ZNHIT3: variants seen among roughly 807,000 people sequenced by gnomAD.
The protein encoded by ZNHIT3 is zinc finger HIT-type containing 3.
ZNHIT3 carries 27 observed loss-of-function variants against 19.9 expected under a neutral mutation model. That is an observed-to-expected ratio of 1.36 (90% CI 1.00 to 1.87). ZNHIT3 has a LOEUF of 1.87. Among genes scored for constraint, ZNHIT3 ranks in the 40% most tolerant of loss-of-function variants. The pLI, the probability that ZNHIT3 is intolerant of heterozygous loss-of-function variation, is 0.00. For synonymous variants in ZNHIT3, 81 were observed against 65.7 expected (o/e 1.23, Z -1.13); for missense variants, 215 against 185.6 (o/e 1.16, Z -0.92).
downstream of ZNHIT3, chr17:36,498,918 T>A (rs898643285): frequency 1.8e-5 from 11 of 627,402 alleles, no homozygotes; most frequent in East Asian, 2.8e-5. Context: ...GGTGTTACTG[T>A]GCCCACTGCA....
intron 2 of ZNHIT3, chr17:36,491,592 C>G (rs567661809): frequency 2.0e-5 from 3 of 152,436 alleles, no homozygotes; most frequent in African/African-American, 4.8e-5. Context: ...CAGGCAGGAG[C>G]CACTGTGCCC....
chr17:36,495,184 C>T (rs1292118193), intron 4 of ZNHIT3, 39 bp from the exon 5 acceptor site: 4 of 1,534,180 alleles, frequency 2.6e-6, no homozygotes, highest in Non-Finnish European at 3.5e-6. Flanking sequence ...TGTGTTTCCA[C>T]TTGAACTCAG....
chr17:36,494,189 G>A (rs1158501692), intron 4 of ZNHIT3, among the ~76,000 whole-genome samples, 183 bp downstream of exon 4: 5 of 152,144 alleles, frequency 3.3e-5, no homozygotes, highest in African/African-American at 1.2e-4. Context: ...CATTCCTTCT[G>A]CCTGGAATCC....
At chr17:36,499,143 T>G, downstream of ZNHIT3, 1 of 1,607,736 alleles carries the variant, frequency 6.2e-7, no homozygotes, top group Middle Eastern at 1.7e-4. Flanking sequence ...TGTTTCCGAG[T>G]TAACCAGGAA....
intron 2 of ZNHIT3, among the ~76,000 whole-genome samples, chr17:36,487,544 G>C (rs116892077): frequency 0.071 from 10,677 of 150,740 alleles, 629 homozygotes; most frequent in African/African-American, 0.16. Context: ...CTGTGGTCCC[G>C]GCACTTTGAG....
chr17:36,494,985 GCTGGT>G (rs2070855155), intron 4 of ZNHIT3, among the ~76,000 whole-genome samples: 1 of 152,254 alleles, frequency 6.6e-6, no homozygotes, highest in South Asian at 2.1e-4. Flanking sequence ...AGTTTGATAT[GCTGGT>G]CTTACCTTTC....
At chr17:36,487,070 C>A in intron 2 of ZNHIT3, 104 bp downstream of exon 2, 1 of 1,475,866 alleles carries the variant, frequency 6.8e-7, no homozygotes, top group Non-Finnish European at 9.1e-7. Flanking sequence ...CTTCCTTTCC[C>A]GCCTCGGGTC....
chr17:36,490,920 GTCC>G (rs1240763485), intron 2 of ZNHIT3: 1 of 152,052 alleles, frequency 6.6e-6, no homozygotes, highest in African/African-American at 2.4e-5. Flanking sequence ...GGCTCAGGCA[GTCC>G]TCCTACCTCA....
At chr17:36,488,516 G>T (rs973215695) in intron 2 of ZNHIT3, among the ~76,000 whole-genome samples, 3 of 152,076 alleles carry the variant, frequency 2.0e-5, no homozygotes, top group Non-Finnish European at 4.4e-5. Flanking sequence ...CTGCACTCCA[G>T]CCTGGGCAAC....
chr17:36,495,611 G>A lies in ZNHIT3; in HGVS notation c.*207G>A. ...TCCTTAAGGTGGCAAGTCCTTTATG[G>A]AGAGAAAACTTGACATTCAGATGAT... is the stretch of plus-strand genomic sequence containing the variant. On this transcript the variant is annotated 3_prime_UTR_variant, in exon 5 of 5. Coordinates refer to ENST00000617429, the MANE Select transcript of ZNHIT3 (RefSeq NM_004773.4). 1 of 1,288,536 alleles carries A rather than the reference G, an allele frequency of 7.8e-7. No individual in the cohort carries two copies. Among genetic ancestry groups the A allele is most frequent in the Non-Finnish European group, 9.8e-7 (1 of 1,021,194 alleles). 79.8% of individuals were successfully genotyped at this position (1,288,536 alleles called of 1,614,324 possible).
rs542479215 is a variant in ZNHIT3, at chr17:36,493,774, G to A, written c.206-152G>A. The A allele has an allele frequency of 1.7e-4, 105 of 615,774 alleles. No homozygotes were observed. The African/African-American group carries it at 1.8e-3, about 10-fold the overall frequency. The allele number at this position is 615,774 out of a possible 1,614,324, so 38.1% of individuals were successfully genotyped here. ...GAGTGTTAGTATAGTCACAGACTCCGGAGAAGAGGATTTTTGTCTGTACCT... is the reference window on the plus strand; with the variant it reads ...GAGTGTTAGTATAGTCACAGACTCCAGAGAAGAGGATTTTTGTCTGTACCT... On this transcript the variant is annotated intron_variant, in intron 3 of 4. Coordinates refer to ENST00000617429, the MANE Select transcript of ZNHIT3 (RefSeq NM_004773.4).
At chr17:36,492,402 G>A (rs771362108) in intron 2 of ZNHIT3, 7 of 169,674 alleles carry the variant, frequency 4.1e-5, no homozygotes, top group Non-Finnish European at 7.5e-5. Flanking sequence ...TCCCACCTTG[G>A]CCTCCGAATG....
rs747996734 is a variant in ZNHIT3 at position 36,495,592 on chromosome 17, A to AG, written c.*190dup. 4 of 1,300,688 alleles carry AG rather than the reference A, an allele frequency of 3.1e-6. No homozygotes were observed. Among genetic ancestry groups the AG allele is most frequent in the Non-Finnish European group, 3.9e-6 (4 of 1,027,940 alleles). The allele number at this position is 1,300,688 out of a possible 1,614,324, so 80.6% of individuals were successfully genotyped here. A position where few individuals can be genotyped will look rare whatever the true frequency, so the allele number is the denominator to read the frequency against. ...GTTTCAGGCAGACTTGGGGTCCTTA[A>AG]GGTGGCAAGTCCTTTATGGAGAGAA... is the stretch of plus-strand genomic sequence containing the variant. On this transcript the variant is annotated 3_prime_UTR_variant, in exon 5 of 5. Coordinates refer to ENST00000617429, the MANE Select transcript of ZNHIT3 (RefSeq NM_004773.4).
At chr17:36,499,264 AC>A, downstream of ZNHIT3, 1 of 771,392 alleles carries the variant, frequency 1.3e-6, no homozygotes, top group Non-Finnish European at 2.1e-6. Flanking sequence ...AGTTTCAAAT[AC>A]GTTTTTTTTT....
chr17:36,498,808 T>C (rs570666721), downstream of ZNHIT3: 444 of 595,694 alleles, frequency 7.5e-4, 5 homozygotes, highest in Non-Finnish European at 1.4e-4. Flanking sequence ...ATAACTGATA[T>C]GCCATAAAAC....
chr17:36,486,911 G>A, intron 1 of ZNHIT3, 24 bp from the exon 2 acceptor site: 1 of 1,604,100 alleles, frequency 6.2e-7, no homozygotes, highest in Non-Finnish European at 8.5e-7. Flanking sequence ...GGGCTGACGC[G>A]GCCTGTGGCC....
intron 4 of ZNHIT3, among the ~76,000 whole-genome samples, chr17:36,494,398 G>C (rs527925036): frequency 6.6e-6 from 1 of 152,272 alleles, no homozygotes; most frequent in South Asian, 2.1e-4. Flanking sequence ...ATACCGATTT[G>C]TACAGCAGGG....
At chr17:36,488,528 G>A (rs1026737395) in intron 2 of ZNHIT3, among the ~76,000 whole-genome samples, 3 of 152,042 alleles carry the variant, frequency 2.0e-5, no homozygotes, top group African/African-American at 4.8e-5. Flanking sequence ...CTGGGCAACA[G>A]AGTGAGACTC....
rs1327278057 is a variant in ZNHIT3, at chr17:36,495,396, G to T, written c.460G>T (p.Glu154Ter). ...LGIVEPSQNE[E>*]S ...AATTGTGGAGCCATCCCAGAATGAG[G>T]AGTCTTAAGATGGATTATTGTGCTG... The change falls in exon 5 of 5, where the codon GAG (glutamate) becomes TAG (stop). Residue 154 changes from glutamate (E) to a stop codon, truncating the protein, a stop_gained. Transcript: ENST00000617429. LOFTEE classifies it high-confidence loss of function. 4 of 1,605,336 alleles carry T rather than the reference G, an allele frequency of 2.5e-6. No individual in the cohort carries two copies. The highest frequency in any genetic ancestry group is 3.4e-6 in the Non-Finnish European group (4 of 1,176,920).
Sources: gnomAD v4.1 joint callset for allele counts (sites outside exome capture counted in the v4.1 genomes callset) on GRCh38, gnomAD v4.1.1 for gene constraint, MANE v1.5 for transcripts, NCBI Gene and HGNC (gene_info 2026-07-23, HGNC 2026-07-21) for gene names.